Variants in NTRK2 observed in about 807,000 individuals in gnomAD.
The protein encoded by NTRK2 is BDNF/NT-3 growth factors receptor.
Under a neutral mutation model 94.5 loss-of-function variants are expected in NTRK2, and 13 were observed. The ratio of observed to expected loss-of-function variants is 0.14; its 90% CI spans 0.09 to 0.22. The LOEUF (loss-of-function observed/expected upper bound fraction) is 0.22, where lower values mean the gene tolerates loss of function less well. NTRK2 is among the 10% of genes least tolerant of loss of function. The pLI is 1.00. For synonymous variants in NTRK2, 372 were observed against 407.4 expected (o/e 0.91, Z 1.05); for missense variants, 639 against 1,071.2 (o/e 0.60, Z 5.63).
intron 17 of NTRK2, among the ~76,000 whole-genome samples, chr9:84,978,784 G>C (rs1440990543): frequency 6.6e-6 from 1 of 152,182 alleles, no homozygotes; most frequent in Non-Finnish European, 1.5e-5. Flanking sequence ...CTTGTTAGGG[G>C]CTAATGCAGC....
chr9:84,699,278 C>T (rs7023159), intron 2 of NTRK2, among the ~76,000 whole-genome samples: 2,901 of 152,180 alleles, frequency 0.019, 110 homozygotes, highest in African/African-American at 0.066. Context: ...CCTCGTGATC[C>T]GCCCGACTTG....
intron 9 of NTRK2, among the ~76,000 whole-genome samples, chr9:84,731,795 C>A (rs779055683): frequency 6.6e-6 from 1 of 152,200 alleles, no homozygotes; most frequent in Admixed American, 6.5e-5. Context: ...TAAAAGAGAG[C>A]GGCCCAGCAA....
intron 12 of NTRK2, among the ~76,000 whole-genome samples, chr9:84,806,276 G>T (rs1222835197): frequency 6.6e-6 from 1 of 152,224 alleles, no homozygotes; most frequent in Non-Finnish European, 1.5e-5. Context: ...AAGTTTAGAG[G>T]AGGGTGAAGT....
At chr9:85,004,053 G>GAAAGAAAAGAAAGAAAGAAA (rs1316613240) in intron 17 of NTRK2, among the ~76,000 whole-genome samples, 4 of 64,898 alleles carry the variant, frequency 6.2e-5, no homozygotes, top group Admixed American at 3.2e-4. Context: ...AAGGGAGAAA[G>GAAAGAAAAGAAAGAAAGAAA]AGAAAGAAAG....
At chr9:84,964,617 C>T (rs1193032640) in intron 17 of NTRK2, among the ~76,000 whole-genome samples, 1 of 152,232 alleles carries the variant, frequency 6.6e-6, no homozygotes, top group African/African-American at 2.4e-5. Flanking sequence ...TTGATCTCCC[C>T]AGACTCTCAG....
intron 2 of NTRK2, among the ~76,000 whole-genome samples, chr9:84,691,467 A>G (rs1372418984): frequency 1.3e-5 from 2 of 152,086 alleles, no homozygotes; most frequent in Non-Finnish European, 2.9e-5. Context: ...ACTGCACATG[A>G]TTTGAAGTTG....
chr9:84,723,830 A>T (rs887407645), intron 7 of NTRK2, 121 bp downstream of exon 7: 1 of 1,377,702 alleles, frequency 7.3e-7, no homozygotes, highest in African/African-American at 1.4e-5. Flanking sequence ...AAATTTACAA[A>T]GAGTTTTTGA....
At chr9:84,957,722 C>T (rs994178506) in intron 17 of NTRK2, among the ~76,000 whole-genome samples, 2 of 152,156 alleles carry the variant, frequency 1.3e-5, no homozygotes, top group African/African-American at 4.8e-5. Context: ...CCATGTAATT[C>T]AGTAATTCTA....
intron 17 of NTRK2, among the ~76,000 whole-genome samples, chr9:84,964,941 T>A (rs767973085): frequency 6.6e-6 from 1 of 152,224 alleles, no homozygotes; most frequent in Non-Finnish European, 1.5e-5. Context: ...GACAGTTACT[T>A]CCTGTGAAGG....
intron 14 of NTRK2, among the ~76,000 whole-genome samples, chr9:84,912,223 T>A (rs2077256557): frequency 6.6e-6 from 1 of 152,206 alleles, no homozygotes; most frequent in Admixed American, 6.5e-5. Context: ...CATTCTGCTG[T>A]TGTTGAGTAG....
chr9:84,952,521 G>A (rs748978103), intron 16 of NTRK2, among the ~76,000 whole-genome samples: 7 of 152,104 alleles, frequency 4.6e-5, no homozygotes, highest in Non-Finnish European at 8.8e-5. Flanking sequence ...AAGACTTCAC[G>A]AGGACCTGGG....
At chr9:84,730,456 A>C (rs1274931782) in intron 9 of NTRK2, among the ~76,000 whole-genome samples, 1 of 149,002 alleles carries the variant, frequency 6.7e-6, no homozygotes, top group African/African-American at 2.6e-5. Context: ...CTAAAGAAAA[A>C]TAGGCCGGGC....
chr9:84,969,076 G>T (rs1416308189), intron 17 of NTRK2, among the ~76,000 whole-genome samples: 3 of 152,174 alleles, frequency 2.0e-5, no homozygotes, highest in Non-Finnish European at 2.9e-5. Context: ...TGCATTGTTG[G>T]TCCACCCTCC....
chr9:84,813,103 A>C, intron 12 of NTRK2: 7 of 1,040,062 alleles, frequency 6.7e-6, no homozygotes, highest in Non-Finnish European at 8.1e-6. Flanking sequence ...TTATTGCAGC[A>C]TTAGAAAAGG....
Position 84,753,367 on chromosome 9 carries a change from C to G in NTRK2, c.1396+1282C>G, listed in dbSNP as rs7029334. On this transcript the variant is annotated intron_variant, in intron 12 of 18. Transcript: ENST00000277120. ...AACTCCTATAGGACTTGAGAAAACACAGATTCCTGGGCTACCCCTAGAGTT... is the reference window on the plus strand; with the variant it reads ...AACTCCTATAGGACTTGAGAAAACAGAGATTCCTGGGCTACCCCTAGAGTT... 5.4e-3 allele frequency among the ~76,000 whole-genome samples: 818 copies of G among 152,250 alleles called. 15 individuals are homozygous for G. The highest frequency in any genetic ancestry group is 0.019 in the African/African-American group (789 of 41,532).
chr9:84,803,550 A>G (rs987598251), intron 12 of NTRK2, among the ~76,000 whole-genome samples: 1 of 152,126 alleles, frequency 6.6e-6, no homozygotes, highest in East Asian at 1.9e-4. Flanking sequence ...GGGGAGAGGG[A>G]TACCCTCCGT....
chr9:84,737,852 G>A lies in NTRK2; in HGVS notation c.1160-4040G>A, dbSNP rs1336360360. On this transcript the variant is annotated intron_variant, in intron 9 of 18. Transcript: ENST00000277120. ...GGCACTTCAGGCTGTACCGTGGACT[G>A]GCTACTCACTTTCGGTAATTCTTGA... Among the ~76,000 whole-genome samples the A allele has an allele frequency of 2.0e-5, 3 of 151,470 alleles. No homozygotes were observed. In the East Asian group the frequency reaches 5.8e-4, roughly 29 times the overall value.
Position 84,724,110 on chromosome 9 carries a change from C to G in NTRK2, c.721-114C>G, listed in dbSNP as rs937501038. ...CCTGAGCCCAGTTCAGGCAGAGAAGCTTTTCTAATGCTATATATACATATT... is the reference window on the plus strand; with the variant it reads ...CCTGAGCCCAGTTCAGGCAGAGAAGGTTTTCTAATGCTATATATACATATT... On this transcript the variant is annotated intron_variant, in intron 7 of 18. Transcript: ENST00000277120. 8 of 1,120,922 alleles carry G rather than the reference C, an allele frequency of 7.1e-6. No homozygotes were observed. In the South Asian group the frequency reaches 7.8e-5, roughly 11 times the overall value. 69.4% of individuals were successfully genotyped at this position (1,120,922 alleles called of 1,614,324 possible). A position where few individuals can be genotyped will look rare whatever the true frequency, so the allele number is the denominator to read the frequency against.
intron 12 of NTRK2, among the ~76,000 whole-genome samples, chr9:84,816,700 A>G (rs777719493): frequency 7.3e-5 from 11 of 150,100 alleles, no homozygotes; most frequent in Non-Finnish European, 1.5e-4. Context: ...AATCATTTGA[A>G]CCCAGGAGGT....
Sources: allele counts gnomAD v4.1 joint callset (sites outside exome capture counted in the v4.1 genomes callset), GRCh38; gene constraint gnomAD v4.1.1; transcripts MANE v1.5; gene names NCBI Gene and HGNC (gene_info 2026-07-23, HGNC 2026-07-21).